The following FKBP5 variants were observed in gnomAD, a reference collection of about 807,000 sequenced individuals.
FKBP5 encodes the protein peptidyl-prolyl cis-trans isomerase FKBP5.
FKBP5 carries 23 observed loss-of-function variants against 50.5 expected under a neutral mutation model. That is an observed-to-expected ratio of 0.46 (90% CI 0.33 to 0.65). FKBP5 has a LOEUF of 0.65. FKBP5 is among the 30% of genes least tolerant of loss of function. FKBP5 has a pLI of 0.02. For missense variants in FKBP5, 411 were observed against 553.1 expected, an observed-to-expected ratio of 0.74 and a Z score of 2.58; for synonymous variants, 176 against 190.6, an observed-to-expected ratio of 0.92 and a Z score of 0.63.
Position 35,624,359 on chromosome 6 carries a change from G to A in FKBP5, c.251-4085C>T, listed in dbSNP as rs143055559. Among the ~76,000 whole-genome samples, 430 of 152,116 alleles carry A rather than the reference G, an allele frequency of 2.8e-3. 1 individual carries two copies. Among genetic ancestry groups the A allele is most frequent in the Middle Eastern group, 6.8e-3 (2 of 294 alleles). ...AAATACTTCAAAATTTTGTCTGGCC[G>A]GGCACGGTGGCTCACGCCTGTAATC... On this transcript the variant is annotated intron_variant, in intron 3 of 10. Coordinates refer to ENST00000357266, the MANE Select transcript of FKBP5 (RefSeq NM_004117.4).
intron 2 of FKBP5, among the ~76,000 whole-genome samples, chr6:35,697,991 C>G (rs13340463): frequency 0.038 from 5,858 of 152,292 alleles, 124 homozygotes; most frequent in African/African-American, 0.064. Flanking sequence ...CATATTTACT[C>G]ACTGTTATTT....
At chr6:35,588,604 A>AT (rs1447552085) in intron 7 of FKBP5, among the ~76,000 whole-genome samples, 1 of 149,084 alleles carries the variant, frequency 6.7e-6, no homozygotes, top group East Asian at 2.0e-4. Context: ...ATACTCTTTT[A>AT]TTTTTTCTTT....
upstream of FKBP5, among the ~76,000 whole-genome samples, chr6:35,693,665 C>T (rs114191749): frequency 0.036 from 5,389 of 151,660 alleles, 311 homozygotes; most frequent in African/African-American, 0.12. Context: ...GATTACAAGG[C>T]ACATGCCACC....
At chr6:35,590,263 G>A (rs1468950848) in intron 7 of FKBP5, among the ~76,000 whole-genome samples, 1 of 151,976 alleles carries the variant, frequency 6.6e-6, no homozygotes, top group Non-Finnish European at 1.5e-5. Context: ...CGCGCTCACT[G>A]TATTCCAGCC....
In FKBP5 at chr6:35,577,222, C is replaced by T; in HGVS notation, c.1038G>A (p.Leu346=). The change falls in exon 10 of 11, where the codon CTG becomes CTA. Residue 346 remains leucine, a synonymous_variant. Transcript: ENST00000357266. ...AVECCDKALG[L]DSANEKGLYR... ...ACAAGCCTTTCTCATTGGCACTGTC[C>T]AGTCCAAGGGCCTAGGAATAGATGG... is the stretch of plus-strand genomic sequence containing the variant. 6.2e-7 allele frequency: 1 copy of T among 1,606,124 alleles called. No individual in the cohort carries two copies. Among genetic ancestry groups the T allele is most frequent in the Non-Finnish European group, 8.5e-7 (1 of 1,175,098 alleles).
intron 8 of FKBP5, chr6:35,583,545 AG>A: frequency 1.0e-6 from 1 of 985,380 alleles, no homozygotes; most frequent in Non-Finnish European, 1.2e-6. Context: ...CCTGCTTCTG[AG>A]GTACTAAAGC....
At chr6:35,606,573 T>C (rs1362638767) in intron 5 of FKBP5, among the ~76,000 whole-genome samples, 2 of 136,432 alleles carry the variant, frequency 1.5e-5, no homozygotes, top group African/African-American at 5.5e-5. Flanking sequence ...GGCAGGAGAA[T>C]GGCGTGAACC....
At chr6:35,715,130 C>A (rs1357650515) in intron 2 of FKBP5, among the ~76,000 whole-genome samples, 1 of 152,122 alleles carries the variant, frequency 6.6e-6, no homozygotes, top group Non-Finnish European at 1.5e-5. Flanking sequence ...GAACTCCTGG[C>A]CTCAGGTGAT....
intron 9 of FKBP5, among the ~76,000 whole-genome samples, chr6:35,578,955 T>A (rs1234194893): frequency 6.8e-6 from 1 of 147,954 alleles, no homozygotes; most frequent in African/African-American, 2.4e-5. Flanking sequence ...TCTACAAAAG[T>A]AAATTTAAAA....
intron 6 of FKBP5, among the ~76,000 whole-genome samples, chr6:35,591,989 G>A (rs1289369688): frequency 6.6e-6 from 1 of 152,182 alleles, no homozygotes; most frequent in Non-Finnish European, 1.5e-5. Flanking sequence ...AAGATCTCCA[G>A]CAAATTAAAT....
chr6:35,610,065 T>C (rs1163541093), intron 5 of FKBP5, among the ~76,000 whole-genome samples: 4 of 152,152 alleles, frequency 2.6e-5, no homozygotes, highest in Non-Finnish European at 4.4e-5. Context: ...TCTAAGCAGT[T>C]GGATATGTTT....
intron 2 of FKBP5, among the ~76,000 whole-genome samples, chr6:35,697,841 A>C (rs1429727229): frequency 6.6e-6 from 1 of 152,092 alleles, no homozygotes; most frequent in African/African-American, 2.4e-5. Context: ...TATACTAAAA[A>C]CCATTGTGCT....
chr6:35,703,033 T>C (rs1247009358), intron 2 of FKBP5, among the ~76,000 whole-genome samples: 1 of 152,158 alleles, frequency 6.6e-6, no homozygotes, highest in African/African-American at 2.4e-5. Flanking sequence ...GCAGATCACC[T>C]GAGGTCAGGA....
rs1011348292 is a variant in FKBP5 at position 35,574,761 on chromosome 6, T to C, written c.*1074A>G. ...AAAAAGTCAAAATTTTTTTGCATGA[T>C]AGAGGAGTGTAAATAAAGTTCCATA... On this transcript the variant is annotated 3_prime_UTR_variant, in exon 11 of 11. Transcript: ENST00000357266. The C allele has an allele frequency of 2.0e-5, 3 of 152,606 alleles. No individual in the cohort carries two copies. The highest frequency in any genetic ancestry group is 6.5e-5 in the Admixed American group (1 of 15,274). 9.5% of individuals were successfully genotyped at this position (152,606 alleles called of 1,614,324 possible).
At chr6:35,593,702 G>A (rs1307536896) in intron 6 of FKBP5, among the ~76,000 whole-genome samples, 2 of 151,880 alleles carry the variant, frequency 1.3e-5, no homozygotes, top group Admixed American at 1.3e-4. Flanking sequence ...TTACAGGCAT[G>A]CACCACCACG....
At chr6:35,578,604 C>T (rs1221494291) in intron 9 of FKBP5, among the ~76,000 whole-genome samples, 1 of 151,932 alleles carries the variant, frequency 6.6e-6, no homozygotes, top group Non-Finnish European at 1.5e-5. Context: ...CCTGTCTCTA[C>T]TAAAAATACA....
intron 9 of FKBP5, 57 bp downstream of exon 9, chr6:35,579,979 A>G: frequency 7.8e-7 from 1 of 1,288,660 alleles, no homozygotes; most frequent in Non-Finnish European, 1.1e-6. Flanking sequence ...CAAAAGACAG[A>G]GATGGAGAAA....
intron 5 of FKBP5, among the ~76,000 whole-genome samples, chr6:35,603,277 T>C (rs972725254): frequency 1.3e-5 from 2 of 152,218 alleles, no homozygotes; most frequent in Admixed American, 1.3e-4. Context: ...AGTGGTAAAT[T>C]ATACCAGATT....
At chr6:35,645,480 G>A (rs1011287860) in intron 1 of FKBP5, among the ~76,000 whole-genome samples, 5 of 152,128 alleles carry the variant, frequency 3.3e-5, no homozygotes, top group South Asian at 4.1e-4. Context: ...GAGACGGGAG[G>A]TCTGTTCCAG....
Sources: allele counts gnomAD v4.1 joint callset (sites outside exome capture counted in the v4.1 genomes callset), GRCh38; gene constraint gnomAD v4.1.1; transcripts MANE v1.5; gene names NCBI Gene and HGNC (gene_info 2026-07-23, HGNC 2026-07-21).